Variants in TASP1 observed in about 807,000 individuals in gnomAD.
The protein encoded by TASP1 is threonine aspartase 1.
Under a neutral mutation model 56.6 loss-of-function variants are expected in TASP1, and 16 were observed. The observed-to-expected ratio is 0.28, with a 90% CI of 0.19 to 0.43. The LOEUF is 0.43. Ranked by LOEUF, TASP1 falls within the 20% of genes least tolerant of loss-of-function variation. TASP1 has a pLI of 1.00. For synonymous variants in TASP1, 179 were observed against 184.2 expected (o/e 0.97, Z 0.23); for missense variants, 393 against 511.6 (o/e 0.77, Z 2.24).
the TASP1 span, among the ~76,000 whole-genome samples, chr20:13,249,902 A>G: frequency 6.6e-6 from 1 of 151,160 alleles, no homozygotes; most frequent in Non-Finnish European, 1.5e-5. Flanking sequence ...CTTTTTTCTC[A>G]TTTGCAAAAA....
the TASP1 span, among the ~76,000 whole-genome samples, chr20:13,115,889 C>CGTG: frequency 1.3e-5 from 2 of 152,186 alleles, no homozygotes; most frequent in African/African-American, 4.8e-5. Context: ...AAGCAGAGAA[C>CGTG]ATCACGCAAA....
the TASP1 span, among the ~76,000 whole-genome samples, chr20:13,331,467 C>T: frequency 1.3e-5 from 2 of 152,100 alleles, no homozygotes; most frequent in African/African-American, 2.4e-5. Flanking sequence ...TTTACATCAT[C>T]AAAATATTTA....
intron 2 of TASP1, among the ~76,000 whole-genome samples, chr20:13,628,697 T>C (rs1423044697): frequency 6.6e-6 from 1 of 152,202 alleles, no homozygotes; most frequent in African/African-American, 2.4e-5. Flanking sequence ...CTTGCTTGAC[T>C]ACCCAGGGAA....
chr20:13,303,595 T>C, the TASP1 span, among the ~76,000 whole-genome samples: 6 of 152,298 alleles, frequency 3.9e-5, no homozygotes, highest in South Asian at 1.2e-3. Flanking sequence ...AGTCAGGCAA[T>C]GTGCAGAGGG....
At chr20:13,232,491 C>T in the TASP1 span, among the ~76,000 whole-genome samples, 7 of 152,068 alleles carry the variant, frequency 4.6e-5, no homozygotes, top group African/African-American at 1.2e-4. Context: ...TTTTTATTAC[C>T]AATTAATATT....
chr20:13,364,509 A>G, the TASP1 span, among the ~76,000 whole-genome samples: 2 of 152,140 alleles, frequency 1.3e-5, no homozygotes, highest in African/African-American at 4.8e-5. Flanking sequence ...AGTTCTCCCC[A>G]CATCTTTTGT....
chr20:13,127,515 C>T, the TASP1 span, among the ~76,000 whole-genome samples: 1 of 152,228 alleles, frequency 6.6e-6, no homozygotes, highest in Non-Finnish European at 1.5e-5. Context: ...TGCTTCAAGC[C>T]TGCTATTTCA....
chr20:13,232,095 C>A, the TASP1 span, among the ~76,000 whole-genome samples: 39 of 152,294 alleles, frequency 2.6e-4, no homozygotes, highest in African/African-American at 8.9e-4. Flanking sequence ...TCACAGGTAA[C>A]CCTGGGAGAT....
At chr20:13,165,634 A>C in the TASP1 span, 2 of 152,244 alleles carry the variant, frequency 1.3e-5, no homozygotes, top group Non-Finnish European at 2.9e-5. Flanking sequence ...CTAAAATGGT[A>C]GTTACAACAA....
chr20:13,277,443 T>C, the TASP1 span, among the ~76,000 whole-genome samples: 1 of 148,788 alleles, frequency 6.7e-6, no homozygotes. Context: ...GAAGAAAGGT[T>C]ATGTCTCCAA....
At chr20:13,454,605 T>A (rs2043757562) in intron 11 of TASP1, among the ~76,000 whole-genome samples, 1 of 152,146 alleles carries the variant, frequency 6.6e-6, no homozygotes, top group African/African-American at 2.4e-5. Context: ...CACAGCCAAA[T>A]GTGCGCAAGT....
chr20:13,590,658 G>GA (rs2047490645), intron 4 of TASP1, among the ~76,000 whole-genome samples: 6 of 152,156 alleles, frequency 3.9e-5, no homozygotes, highest in Middle Eastern at 3.4e-3. Context: ...ACAAGGTCAG[G>GA]CATTCGAGAC....
the TASP1 span, among the ~76,000 whole-genome samples, chr20:13,195,983 T>C: frequency 6.6e-6 from 1 of 152,204 alleles, no homozygotes; most frequent in South Asian, 2.1e-4. Flanking sequence ...CACAAAGTCC[T>C]GCCCTGAGGA....
At chr20:13,273,903 C>T in the TASP1 span, among the ~76,000 whole-genome samples, 682 of 152,222 alleles carry the variant, frequency 4.5e-3, 3 homozygotes, top group Non-Finnish European at 6.2e-3. Context: ...GATCTGATGA[C>T]GTTTTGGCCC....
At chr20:13,146,910 C>T in the TASP1 span, among the ~76,000 whole-genome samples, 1 of 152,210 alleles carries the variant, frequency 6.6e-6, no homozygotes, top group Non-Finnish European at 1.5e-5. Flanking sequence ...CTGCGTAATG[C>T]CTTCATGATC....
chr20:13,225,536 T>C, the TASP1 span, among the ~76,000 whole-genome samples: 1 of 152,226 alleles, frequency 6.6e-6, no homozygotes, highest in Non-Finnish European at 1.5e-5. Flanking sequence ...TTTGACTCTT[T>C]GTATGACTGT....
Position 13,595,735 on chromosome 20 carries a change from A to G in TASP1, c.283-8365T>C, listed in dbSNP as rs182763049. ...ACCCAGATTCATAAAGGAAGTTCTG[A>G]GAGACCTAAAAAGAGATTTAGACTC... On this transcript the variant is annotated intron_variant, in intron 4 of 13. Coordinates refer to ENST00000337743, the MANE Select transcript of TASP1 (RefSeq NM_017714.3). Among the ~76,000 whole-genome samples, 1,377 of 152,318 alleles carry G rather than the reference A, an allele frequency of 9.0e-3. 22 individuals are homozygous for G. The highest frequency in any genetic ancestry group is 0.026 in the Admixed American group (402 of 15,294).
chr20:13,367,289 CA>C, the TASP1 span, among the ~76,000 whole-genome samples: 8 of 152,178 alleles, frequency 5.3e-5, no homozygotes, highest in Admixed American at 4.6e-4. Context: ...TTTCTTTAAT[CA>C]GTTGGATGAT....
the TASP1 span, among the ~76,000 whole-genome samples, chr20:13,274,419 G>A: frequency 2.0e-5 from 3 of 152,124 alleles, no homozygotes; most frequent in Non-Finnish European, 4.4e-5. Flanking sequence ...GTCAGCTTCC[G>A]CTGCCAGGGC....
Sources: allele counts gnomAD v4.1 joint callset (sites outside exome capture counted in the v4.1 genomes callset), GRCh38; gene constraint gnomAD v4.1.1; transcripts MANE v1.5; gene names NCBI Gene and HGNC (gene_info 2026-07-23, HGNC 2026-07-21).